Variants in RABGAP1L observed in about 807,000 individuals in gnomAD.
The protein encoded by RABGAP1L is rab GTPase-activating protein 1-like.
In RABGAP1L, 63 loss-of-function variants were observed where a neutral mutation model predicts 137.7. That is an observed-to-expected ratio of 0.46 (90% CI 0.37 to 0.56). The LOEUF (loss-of-function observed/expected upper bound fraction) is 0.56. Among genes scored for constraint, RABGAP1L ranks in the 20% least tolerant of loss-of-function variants. The probability of loss-of-function intolerance (pLI) is 0.00; values close to 1 mark genes in which losing one functional copy is unlikely to be tolerated. For missense variants in RABGAP1L, 1,095 were observed against 1,244.0 expected (o/e 0.88, Z 1.80); for synonymous variants, 431 against 433.7 (o/e 0.99, Z 0.08).
chr1:174,259,969 G>C (rs1299740930), intron 7 of RABGAP1L, among the ~76,000 whole-genome samples: 1 of 151,884 alleles, frequency 6.6e-6, no homozygotes, highest in Non-Finnish European at 1.5e-5. Flanking sequence ...TGAGTAGCTG[G>C]GACTATAGGC....
intron 4 of RABGAP1L, chr1:174,238,802 C>CGAGCTTCCCGGCTGCTTTGTTTACCT (rs1671478390): frequency 1.3e-5 from 2 of 151,592 alleles, no homozygotes; most frequent in Admixed American, 1.3e-4. Flanking sequence ...CCACCCAGTT[C>CGAGCTTCCCGGCTGCTTTGTTTACCT]GAGCTTCCCG....
At chr1:174,423,939 A>G (rs1651653299) in intron 13 of RABGAP1L, among the ~76,000 whole-genome samples, 1 of 152,122 alleles carries the variant, frequency 6.6e-6, no homozygotes, top group Non-Finnish European at 1.5e-5. Context: ...ATTTTGGGAT[A>G]TGTAGGCCAG....
At chr1:174,797,326 T>A (rs949779451) in intron 18 of RABGAP1L, among the ~76,000 whole-genome samples, 1 of 152,148 alleles carries the variant, frequency 6.6e-6, no homozygotes, top group Non-Finnish European at 1.5e-5. Flanking sequence ...TTCAGGATGT[T>A]CCCTTGTTCT....
intron 1 of RABGAP1L, among the ~76,000 whole-genome samples, chr1:174,203,924 A>G (rs1402629280): frequency 7.1e-6 from 1 of 141,412 alleles, no homozygotes; most frequent in Non-Finnish European, 1.5e-5. Context: ...AATGCTAGTG[A>G]TTTTTGTACA....
chr1:174,885,702 T>C (rs927610310), intron 19 of RABGAP1L, among the ~76,000 whole-genome samples: 3 of 151,756 alleles, frequency 2.0e-5, no homozygotes, highest in Non-Finnish European at 4.4e-5. Flanking sequence ...GCGTAGTTGC[T>C]CACGCCTGTA....
chr1:174,306,384 G>A (rs1678249626), intron 11 of RABGAP1L, among the ~76,000 whole-genome samples: 1 of 152,174 alleles, frequency 6.6e-6, no homozygotes, highest in African/African-American at 2.4e-5. Flanking sequence ...GCCACCAACA[G>A]TGTAAAAGTG....
chr1:174,731,195 A>T (rs989324300), intron 17 of RABGAP1L, among the ~76,000 whole-genome samples: 1 of 150,714 alleles, frequency 6.6e-6, no homozygotes, highest in Non-Finnish European at 1.5e-5. Flanking sequence ...CTGGTCTCGA[A>T]CTCTGACCTC....
intron 13 of RABGAP1L, among the ~76,000 whole-genome samples, chr1:174,554,610 C>T (rs761213588): frequency 2.0e-5 from 3 of 152,044 alleles, no homozygotes; most frequent in Middle Eastern, 3.2e-3. Flanking sequence ...ACTATAATTA[C>T]GTGTTGTATC....
intron 13 of RABGAP1L, among the ~76,000 whole-genome samples, chr1:174,538,949 T>G (rs1050058262): frequency 2.6e-5 from 4 of 152,128 alleles, no homozygotes; most frequent in African/African-American, 9.7e-5. Flanking sequence ...AACATATTAG[T>G]GTAGTGTTGA....
intron 10 of RABGAP1L, among the ~76,000 whole-genome samples, chr1:174,304,461 T>G (rs1678010732): frequency 6.6e-6 from 1 of 151,854 alleles, no homozygotes; most frequent in Non-Finnish European, 1.5e-5. Flanking sequence ...CCATATATAT[T>G]TATATATGTA....
At chr1:174,263,630 C>T (rs1285534784) in intron 7 of RABGAP1L, among the ~76,000 whole-genome samples, 2 of 151,948 alleles carry the variant, frequency 1.3e-5, no homozygotes, top group East Asian at 1.9e-4. Context: ...TTATTTCTAC[C>T]GTATGTTTAT....
intron 18 of RABGAP1L, chr1:174,800,474 C>T (rs761982432): frequency 3.2e-6 from 5 of 1,550,838 alleles, no homozygotes; most frequent in Non-Finnish European, 4.4e-6. Flanking sequence ...GATGGGGCAT[C>T]GTCTGTTTGT....
At chr1:174,597,322 C>G (rs999076035) in intron 13 of RABGAP1L, among the ~76,000 whole-genome samples, 1 of 152,086 alleles carries the variant, frequency 6.6e-6, no homozygotes, top group African/African-American at 2.4e-5. Flanking sequence ...TTGTAAAATT[C>G]TGCAGTGAAG....
chr1:174,614,437 C>T (rs1053772014), intron 13 of RABGAP1L, among the ~76,000 whole-genome samples: 3 of 152,112 alleles, frequency 2.0e-5, no homozygotes, highest in Admixed American at 6.6e-5. Context: ...GACTTTCTGC[C>T]GAGAGATCTG....
intron 14 of RABGAP1L, among the ~76,000 whole-genome samples, chr1:174,646,605 T>A (rs556194492): frequency 6.6e-6 from 1 of 152,206 alleles, no homozygotes; most frequent in African/African-American, 2.4e-5. Context: ...GCTGTTTTCG[T>A]TACTGTAGCC....
intron 13 of RABGAP1L, among the ~76,000 whole-genome samples, chr1:174,504,694 C>T (rs1661651701): frequency 6.6e-6 from 1 of 152,082 alleles, no homozygotes; most frequent in African/African-American, 2.4e-5. Flanking sequence ...GAAATTAGAG[C>T]CTCATTTCAT....
chr1:174,174,195 TACACACACACACACACACACACAC>T (rs56864336), intron 1 of RABGAP1L, among the ~76,000 whole-genome samples: 1 of 145,564 alleles, frequency 6.9e-6, no homozygotes, highest in Admixed American at 6.9e-5. Flanking sequence ...GGAAAAAAAA[TACACACACACACACACACACACAC>T]ACACACACAC....
chr1:174,806,570 C>T (rs564755834), intron 18 of RABGAP1L, among the ~76,000 whole-genome samples: 15 of 152,194 alleles, frequency 9.9e-5, no homozygotes, highest in Non-Finnish European at 1.9e-4. Context: ...ATTGTGCTAC[C>T]GCACTTCAGA....
At chr1:174,538,111 C>T (rs1665037779) in intron 13 of RABGAP1L, among the ~76,000 whole-genome samples, 1 of 152,182 alleles carries the variant, frequency 6.6e-6, no homozygotes, top group Non-Finnish European at 1.5e-5. Context: ...TCTCGTCATA[C>T]GTGCTGTGGT....
Sources: allele counts gnomAD v4.1 joint callset (sites outside exome capture counted in the v4.1 genomes callset), GRCh38; gene constraint gnomAD v4.1.1; transcripts MANE v1.5; gene names NCBI Gene and HGNC (gene_info 2026-07-23, HGNC 2026-07-21).